Variants in RAB28 observed in about 807,000 individuals in gnomAD.
RAB28 encodes the protein ras-related protein Rab-28.
Under a neutral mutation model 31.7 loss-of-function variants are expected in RAB28, and 24 were observed. That is an observed-to-expected ratio of 0.76 (90% CI 0.55 to 1.06). The LOEUF is 1.06. Among genes scored for constraint, RAB28 ranks in the 50% least tolerant of loss-of-function variants. The probability of loss-of-function intolerance (pLI) is 0.00; values close to 1 mark genes in which losing one functional copy is unlikely to be tolerated. For synonymous variants in RAB28, 100 were observed against 90.4 expected, an observed-to-expected ratio of 1.11 and a Z score of -0.60; for missense variants, 254 against 258.5, an observed-to-expected ratio of 0.98 and a Z score of 0.12.
intron 4 of RAB28, among the ~76,000 whole-genome samples, chr4:13,383,168 C>A (rs1729207812): frequency 6.6e-6 from 1 of 152,120 alleles, no homozygotes; most frequent in African/African-American, 2.4e-5. Flanking sequence ...TTTATATATC[C>A]AATTTATCAT....
intron 1 of RAB28, among the ~76,000 whole-genome samples, chr4:13,481,965 T>G (rs547987423): frequency 1.3e-5 from 2 of 151,998 alleles, no homozygotes; most frequent in Non-Finnish European, 2.9e-5. Flanking sequence ...GAGAACTGAA[T>G]AGGGTATGGA....
chr4:13,367,808 A>G lies in RAB28; in HGVS notation c.*750T>C. 1 of 984,944 alleles carries G rather than the reference A, an allele frequency of 1.0e-6. No individual in the cohort carries two copies. The highest frequency in any genetic ancestry group is 1.7e-5 in the African/African-American group (1 of 57,350). 61.0% of individuals were successfully genotyped at this position (984,944 alleles called of 1,614,324 possible). Reference sequence around the variant, plus strand: ...CACAATGTCATAACTCATTCTCGGGAGTACTCTTATGCAGTTTGCAAGAGA... The same window carrying G: ...CACAATGTCATAACTCATTCTCGGGGGTACTCTTATGCAGTTTGCAAGAGA... On this transcript the variant is annotated 3_prime_UTR_variant, in exon 7 of 7. Coordinates refer to ENST00000330852, the MANE Select transcript of RAB28 (RefSeq NM_001017979.3).
chr4:13,454,996 C>G (rs371913035), intron 4 of RAB28, among the ~76,000 whole-genome samples: 27 of 152,228 alleles, frequency 1.8e-4, no homozygotes, highest in African/African-American at 6.5e-4. Flanking sequence ...TTTCTCAGAC[C>G]CAGAATATTG....
At chr4:13,421,258 A>G (rs1015471196) in intron 4 of RAB28, among the ~76,000 whole-genome samples, 1 of 152,206 alleles carries the variant, frequency 6.6e-6, no homozygotes, top group African/African-American at 2.4e-5. Context: ...ATAAAAGAGA[A>G]CACAAACAAA....
At chr4:13,456,974 C>T (rs374097027) in intron 4 of RAB28, among the ~76,000 whole-genome samples, 2 of 152,256 alleles carry the variant, frequency 1.3e-5, no homozygotes, top group South Asian at 2.1e-4. Flanking sequence ...GTAACTTGTA[C>T]GGAAATGTGT....
intron 2 of RAB28, among the ~76,000 whole-genome samples, chr4:13,478,375 G>A (rs938922366): frequency 2.0e-5 from 3 of 151,236 alleles, no homozygotes; most frequent in Non-Finnish European, 3.0e-5. Flanking sequence ...TTTTTCACTG[G>A]TAGCCAAATA....
intron 4 of RAB28, among the ~76,000 whole-genome samples, chr4:13,384,356 G>A (rs903310963): frequency 6.6e-6 from 1 of 152,162 alleles, no homozygotes; most frequent in Non-Finnish European, 1.5e-5. Context: ...TGCAGTTGAT[G>A]AGTGTGTACC....
rs150784086 is a variant in RAB28, at chr4:13,438,210, A to G, written c.391+22489T>C. On this transcript the variant is annotated intron_variant, in intron 4 of 6. Transcript: ENST00000330852. The stretch of plus-strand genomic sequence containing the variant: ...GAATCAAAACACTTTATATCACCCT[A>G]TAAGACTATAAACCATATTATTTTT... Among the ~76,000 whole-genome samples the G allele has an allele frequency of 2.3e-4, 35 of 152,344 alleles. 1 individual carries two copies. The East Asian group carries it at 6.4e-3, about 28-fold the overall frequency.
chr4:13,382,564 G>A (rs1469182165), intron 4 of RAB28, among the ~76,000 whole-genome samples: 2 of 151,512 alleles, frequency 1.3e-5, no homozygotes, highest in South Asian at 2.1e-4. Flanking sequence ...CTACATAAAA[G>A]ACTTTATTTA....
chr4:13,441,172 A>G (rs1714393561), intron 4 of RAB28, among the ~76,000 whole-genome samples: 1 of 152,184 alleles, frequency 6.6e-6, no homozygotes, highest in African/African-American at 2.4e-5. Context: ...GAAAGTTAAT[A>G]CGCATTAACT....
At chr4:13,407,356 A>C (rs1331454569) in intron 4 of RAB28, among the ~76,000 whole-genome samples, 2 of 152,180 alleles carry the variant, frequency 1.3e-5, no homozygotes, top group East Asian at 3.9e-4. Context: ...GTTCTGTTCC[A>C]TTGGTCTGTA....
At chr4:13,460,852 A>G (rs947217283) in intron 3 of RAB28, 24 bp from the exon 4 acceptor site, 1 of 1,602,006 alleles carries the variant, frequency 6.2e-7, no homozygotes, top group Non-Finnish European at 8.5e-7. Flanking sequence ...GTTACAAAAT[A>G]TCTGTAATGT....
intron 4 of RAB28, among the ~76,000 whole-genome samples, chr4:13,437,545 T>C (rs1290115664): frequency 6.6e-6 from 1 of 151,894 alleles, no homozygotes; most frequent in Non-Finnish European, 1.5e-5. Flanking sequence ...AGTGGACTAA[T>C]GACATACAAC....
intron 4 of RAB28, among the ~76,000 whole-genome samples, chr4:13,456,770 A>G (rs1715324248): frequency 6.6e-6 from 1 of 151,796 alleles, no homozygotes; most frequent in Non-Finnish European, 1.5e-5. Context: ...TTAACGTACT[A>G]GTTGCCATTC....
intron 4 of RAB28, among the ~76,000 whole-genome samples, chr4:13,430,171 A>AC (rs1713733834): frequency 6.6e-6 from 1 of 152,184 alleles, no homozygotes; most frequent in South Asian, 2.1e-4. Context: ...ATATTAAAAA[A>AC]AATTTTTTTT....
chr4:13,418,728 C>T (rs972985220), intron 4 of RAB28, among the ~76,000 whole-genome samples: 1 of 152,136 alleles, frequency 6.6e-6, no homozygotes, highest in Non-Finnish European at 1.5e-5. Context: ...CACCAGGCCT[C>T]CCTTACAAGA....
Position 13,405,948 on chromosome 4 carries a change from C to T in RAB28, c.392-24354G>A, listed in dbSNP as rs1240848799. Reference sequence around the variant, plus strand: ...AATTATAAATAGAAAAATGAGAAAACTATGGGAAATCCAATCAATGGAAAC... The same window carrying T: ...AATTATAAATAGAAAAATGAGAAAATTATGGGAAATCCAATCAATGGAAAC... On this transcript the variant is annotated intron_variant, in intron 4 of 6. Coordinates refer to ENST00000330852, the MANE Select transcript of RAB28 (RefSeq NM_001017979.3). Among the ~76,000 whole-genome samples, 3 of 152,012 alleles carry T rather than the reference C, an allele frequency of 2.0e-5. No individual in the cohort carries two copies. The East Asian group carries it at 5.8e-4, about 29-fold the overall frequency.
In RAB28 at chr4:13,479,412, G is replaced by A. The variant is rs761601395; in HGVS notation, c.172+18C>T. The A allele has an allele frequency of 2.6e-6, 4 of 1,528,966 alleles. No individual in the cohort carries two copies. Among genetic ancestry groups the A allele is most frequent in the Admixed American group, 1.7e-5 (1 of 57,610 alleles). 94.7% of individuals were successfully genotyped at this position (1,528,966 alleles called of 1,614,324 possible). On this transcript the variant is annotated intron_variant, in intron 2 of 6. Transcript: ENST00000330852. ...ATTTTTTTATAATCTTCTACGTTAAGACTTTTTAGTCTCTTACCTGGCAAT... is the reference window on the plus strand; with the variant it reads ...ATTTTTTTATAATCTTCTACGTTAAAACTTTTTAGTCTCTTACCTGGCAAT...
intron 4 of RAB28, among the ~76,000 whole-genome samples, chr4:13,442,059 G>T (rs1714445935): frequency 6.6e-6 from 1 of 152,114 alleles, no homozygotes; most frequent in African/African-American, 2.4e-5. Context: ...CACCAAAAAA[G>T]AACTATGTTA....
Sources: allele counts gnomAD v4.1 joint callset (sites outside exome capture counted in the v4.1 genomes callset), GRCh38; gene constraint gnomAD v4.1.1; transcripts MANE v1.5; gene names NCBI Gene and HGNC (gene_info 2026-07-23, HGNC 2026-07-21).